RFC1: variants seen among roughly 807,000 people sequenced by gnomAD.
RFC1 encodes the protein replication factor C subunit 1, also known as A1 140 kDa subunit.
In RFC1, 37 loss-of-function variants were observed where a neutral mutation model predicts 137.4. The ratio of observed to expected loss-of-function variants is 0.27; its 90% CI spans 0.21 to 0.35. RFC1 has a LOEUF of 0.35. Among genes scored for constraint, RFC1 ranks in the 10% least tolerant of loss-of-function variants. RFC1 has a pLI of 1.00. For missense variants in RFC1, 1,205 were observed against 1,358.5 expected (o/e 0.89, Z 1.78); for synonymous variants, 429 against 455.7 (o/e 0.94, Z 0.75).
chr4:39,312,226 T>C (rs1464147263), intron 11 of RFC1, among the ~76,000 whole-genome samples: 1 of 152,154 alleles, frequency 6.6e-6, no homozygotes, highest in Admixed American at 6.5e-5. Context: ...GGACAAAAGT[T>C]AACACAATAA....
chr4:39,306,488 C>CCA (rs3830271), intron 14 of RFC1, 104 bp downstream of exon 14: 319,891 of 584,308 alleles, frequency 0.55, 83,198 homozygotes, highest in Admixed American at 0.59. Flanking sequence ...TATATAGACA[C>CCA]CACACACACA....
intron 22 of RFC1, among the ~76,000 whole-genome samples, chr4:39,293,880 A>G (rs186521106): frequency 1.1e-3 from 163 of 152,312 alleles, no homozygotes; most frequent in African/African-American, 3.7e-3. Flanking sequence ...AGCCTTGCCA[A>G]TGAGAAGAGC....
chr4:39,327,692 T>A lies in RFC1; in HGVS notation c.396A>T (p.Thr132=). ...TGTTTGATGTTCCAAGATGACTATTTGTAGATCTTCCATTCTCTTTTGATT... is the reference window on the plus strand; with the variant it reads ...TGTTTGATGTTCCAAGATGACTATTAGTAGATCTTCCATTCTCTTTTGATT... ...ASKSKENGRS[T]NSHLGTSNMK... Residue 132 remains threonine (T), a synonymous_variant, in exon 5 of 25, where the codon ACA becomes ACT. Transcript: ENST00000349703. 1 of 1,613,464 alleles carries A rather than the reference T, an allele frequency of 6.2e-7. No individual in the cohort carries two copies. The highest frequency in any genetic ancestry group is 1.3e-5 in the African/African-American group (1 of 75,062).
At chr4:39,348,328 C>G (rs1418558535) in intron 2 of RFC1, among the ~76,000 whole-genome samples, 1 of 148,986 alleles carries the variant, frequency 6.7e-6, no homozygotes, top group Non-Finnish European at 1.5e-5. Flanking sequence ...GAGGCTGAGG[C>G]AGGAGATTCA....
Position 39,316,944 on chromosome 4 carries a change from TGG to T in RFC1, c.1172_1173del (p.Pro391GlnfsTer13). 1 of 1,613,982 alleles carries T rather than the reference TGG, an allele frequency of 6.2e-7. No individual in the cohort carries two copies. Among genetic ancestry groups the T allele is most frequent in the Non-Finnish European group, 8.5e-7 (1 of 1,179,836 alleles). ...AYRSYLNREG[P>X]KALGSKEIPK... ...GGTATTTCTTTGGAGCCCAGAGCCT[TGG>T]GACCTTCTCGATTTAAGTAGCTTCG... On this transcript the variant is annotated frameshift_variant, in exon 10 of 25. Transcript: ENST00000349703. LOFTEE classifies it high-confidence loss of function.
chr4:39,337,123 C>A (rs964969513), intron 4 of RFC1, among the ~76,000 whole-genome samples: 1 of 152,034 alleles, frequency 6.6e-6, no homozygotes. Context: ...GCCTATAATC[C>A]CAGCACTTTG....
At chr4:39,363,790 G>A (rs1415463552) in intron 1 of RFC1, among the ~76,000 whole-genome samples, 1 of 151,766 alleles carries the variant, frequency 6.6e-6, no homozygotes, top group Non-Finnish European at 1.5e-5. Flanking sequence ...TACCAGGCAG[G>A]CTGAGGCACA....
At chr4:39,346,557 C>T (rs930812942) in intron 2 of RFC1, among the ~76,000 whole-genome samples, 5 of 150,816 alleles carry the variant, frequency 3.3e-5, no homozygotes, top group African/African-American at 4.9e-5. Context: ...ACATTTCTAA[C>T]ATATTCAAAT....
chr4:39,296,003 G>A (rs1275733238), intron 21 of RFC1: 7 of 321,534 alleles, frequency 2.2e-5, no homozygotes, highest in South Asian at 1.2e-4. Context: ...AGATCATGTC[G>A]CCAACTCAGC....
At chr4:39,316,669 C>G (rs1350940257) in intron 10 of RFC1, among the ~76,000 whole-genome samples, 1 of 152,104 alleles carries the variant, frequency 6.6e-6, no homozygotes, top group African/African-American at 2.4e-5. Context: ...TTAGTTTTGT[C>G]ACTGGTATAG....
At chr4:39,342,869 C>T (rs1163451230) in intron 3 of RFC1, among the ~76,000 whole-genome samples, 3 of 152,206 alleles carry the variant, frequency 2.0e-5, no homozygotes, top group South Asian at 2.1e-4. Flanking sequence ...ACCCTTCCTG[C>T]ATCTTCAAAG....
At chr4:39,292,417 GAGGA>G (rs1359510150) in intron 22 of RFC1, among the ~76,000 whole-genome samples, 1 of 152,132 alleles carries the variant, frequency 6.6e-6, no homozygotes, top group Non-Finnish European at 1.5e-5. Flanking sequence ...ACAGTGGCCA[GAGGA>G]AGGTTTAGGG....
chr4:39,326,434 G>T, intron 6 of RFC1, 129 bp downstream of exon 6: 2 of 628,312 alleles, frequency 3.2e-6, no homozygotes, highest in East Asian at 2.8e-5. Context: ...TAGAAATTTA[G>T]ATTTTCATTT....
In RFC1 at chr4:39,323,237, T is replaced by C. The variant is rs913186009; in HGVS notation, c.720+103A>G. 5.1e-5 allele frequency: 36 copies of C among 710,072 alleles called. No individual in the cohort carries two copies. In the Middle Eastern group the frequency reaches 1.0e-3, roughly 20 times the overall value. The allele number at this position is 710,072 out of a possible 1,614,324, so 44.0% of individuals were successfully genotyped here. On this transcript the variant is annotated intron_variant, in intron 7 of 24. Coordinates refer to ENST00000349703, the MANE Select transcript of RFC1 (RefSeq NM_002913.5). ...TTTTTATAAAATAATTTAATTTCTT[T>C]CTGGAAAAGTTATTCATGTTTTGGC...
intron 13 of RFC1, 28 bp from the exon 14 acceptor site, chr4:39,306,729 G>A (rs1045284501): frequency 1.5e-6 from 2 of 1,321,824 alleles, no homozygotes; most frequent in African/African-American, 2.9e-5. Context: ...GTTCCAGAGT[G>A]TCAACCTATA....
intron 1 of RFC1, among the ~76,000 whole-genome samples, chr4:39,359,329 G>A (rs1222630673): frequency 6.6e-6 from 1 of 152,078 alleles, no homozygotes; most frequent in Non-Finnish European, 1.5e-5. Context: ...CAATCAACAA[G>A]TAGATAAAGA....
At chr4:39,293,061 T>C (rs971015571) in intron 22 of RFC1, among the ~76,000 whole-genome samples, 1 of 152,190 alleles carries the variant, frequency 6.6e-6, no homozygotes, top group African/African-American at 2.4e-5. Flanking sequence ...ACTGAATGTG[T>C]GAACCATAAG....
At chr4:39,352,304 C>A (rs975085206) in intron 1 of RFC1, among the ~76,000 whole-genome samples, 1 of 152,104 alleles carries the variant, frequency 6.6e-6, no homozygotes, top group Non-Finnish European at 1.5e-5. Context: ...TTTTCAACAT[C>A]CTGAAGAAAA....
intron 10 of RFC1, 138 bp from the exon 11 acceptor site, chr4:39,313,069 T>A: frequency 1.4e-6 from 1 of 697,356 alleles, no homozygotes; most frequent in Non-Finnish European, 2.3e-6. Context: ...TTGCTGGAAA[T>A]TTACAGCAAA....
Sources: allele counts gnomAD v4.1 joint callset (sites outside exome capture counted in the v4.1 genomes callset), GRCh38; gene constraint gnomAD v4.1.1; transcripts MANE v1.5; gene names NCBI Gene and HGNC (gene_info 2026-07-23, HGNC 2026-07-21).